COXFA4: variants seen among roughly 807,000 people sequenced by gnomAD.
The protein encoded by COXFA4 is cytochrome c oxidase subunit FA4.
chr7:10,932,885 A>G, the COXFA4 span: 1 of 151,696 alleles, frequency 6.6e-6, no homozygotes, highest in Non-Finnish European at 1.5e-5. Flanking sequence ...CAGGAGGATC[A>G]CTTAAGCCCG....
the COXFA4 span, chr7:10,939,741 C>CCGCT: frequency 2.0e-6 from 1 of 510,326 alleles, no homozygotes; most frequent in Non-Finnish European, 3.5e-6. Flanking sequence ...AGAGCGGCCA[C>CCGCT]CAGACTGTTC....
At chr7:10,933,721 T>C in the COXFA4 span, 1 of 1,529,420 alleles carries the variant, frequency 6.5e-7, no homozygotes, top group South Asian at 1.1e-5. Context: ...ATATTTTAAG[T>C]AATCTCAAAT....
chr7:10,939,805 C>T, the COXFA4 span: 13 of 672,574 alleles, frequency 1.9e-5, no homozygotes, highest in Non-Finnish European at 2.9e-5. Context: ...GTGTCCGTCT[C>T]CTTCCTCCTG....
the COXFA4 span, chr7:10,939,946 G>A: frequency 6.4e-7 from 1 of 1,556,374 alleles, no homozygotes; most frequent in Non-Finnish European, 8.9e-7. Flanking sequence ...CGTTCCCAGG[G>A]AACAGAAAGA....
chr7:10,939,054 A>C, the COXFA4 span: 2 of 599,528 alleles, frequency 3.3e-6, no homozygotes, highest in Admixed American at 2.8e-5. Flanking sequence ...CATTGAGGTA[A>C]GATTTCTTAT....
chr7:10,934,143 CA>C, the COXFA4 span, among the ~76,000 whole-genome samples: 1 of 151,958 alleles, frequency 6.6e-6, no homozygotes, highest in Non-Finnish European at 1.5e-5. Context: ...GATCCTGCAA[CA>C]AAAAGAGGCT....
the COXFA4 span, chr7:10,939,160 A>G: frequency 3.2e-5 from 12 of 375,302 alleles, no homozygotes; most frequent in South Asian, 3.1e-4. Flanking sequence ...AATTATAGGT[A>G]CATTTTTAAA....
chr7:10,939,139 A>C, the COXFA4 span: 1 of 406,498 alleles, frequency 2.5e-6, no homozygotes, highest in African/African-American at 2.0e-5. Context: ...CTTACTTTTT[A>C]ATGTGGAGCA....
chr7:10,938,772 C>A, the COXFA4 span: 1 of 1,518,552 alleles, frequency 6.6e-7, no homozygotes, highest in South Asian at 1.1e-5. Context: ...CTGCCTTGAT[C>A]AGCTATCAAA....
the COXFA4 span, chr7:10,939,954 A>G: frequency 6.3e-7 from 1 of 1,586,828 alleles, no homozygotes. Context: ...GGGAACAGAA[A>G]GAGGCGCACC....
the COXFA4 span, among the ~76,000 whole-genome samples, chr7:10,935,845 C>T: frequency 1.3e-5 from 2 of 151,328 alleles, no homozygotes; most frequent in Non-Finnish European, 2.9e-5. Flanking sequence ...CAAAAGTTCA[C>T]TTTTCACTCA....
chr7:10,933,702 G>C, the COXFA4 span: 1 of 1,597,280 alleles, frequency 6.3e-7, no homozygotes, highest in South Asian at 1.1e-5. Context: ...ACTTGGAACA[G>C]AAAAAAAGAT....
chr7:10,938,042 T>G, the COXFA4 span: 1 of 1,543,430 alleles, frequency 6.5e-7, no homozygotes, highest in Non-Finnish European at 9.0e-7. Flanking sequence ...ATGACAAAAC[T>G]TATTACAACA....
At chr7:10,938,014 T>G in the COXFA4 span, 1 of 1,259,844 alleles carries the variant, frequency 7.9e-7, no homozygotes, top group African/African-American at 1.5e-5. Flanking sequence ...TATATCCAGT[T>G]TCAAGAAAAC....
chr7:10,932,344 T>A, the COXFA4 span: 1 of 152,214 alleles, frequency 6.6e-6, no homozygotes, highest in South Asian at 2.1e-4. Flanking sequence ...GTCTGGTAAC[T>A]GAAAACACTC....
the COXFA4 span, among the ~76,000 whole-genome samples, chr7:10,934,747 CT>C: frequency 6.6e-6 from 1 of 152,004 alleles, no homozygotes; most frequent in African/African-American, 2.4e-5. Context: ...AAAAAAAATC[CT>C]CAGGTTGTAA....
chr7:10,938,111 C>T, the COXFA4 span: 4 of 1,613,282 alleles, frequency 2.5e-6, no homozygotes, highest in Admixed American at 1.7e-5. Context: ...CATTGGGACC[C>T]AGTTTGTTCC....
the COXFA4 span, chr7:10,939,930 T>C: frequency 1.4e-6 from 2 of 1,478,794 alleles, no homozygotes; most frequent in South Asian, 1.1e-5. Context: ...TGGCTGTAAA[T>C]GAGGACGTTC....
the COXFA4 span, chr7:10,939,642 T>C: frequency 2.1e-5 from 5 of 236,932 alleles, no homozygotes; most frequent in South Asian, 1.9e-4. Context: ...CCTCCAGAGA[T>C]GGTATAACAC....
Sources: gnomAD v4.1 joint callset for allele counts (sites outside exome capture counted in the v4.1 genomes callset) on GRCh38, gnomAD v4.1.1 for gene constraint, MANE v1.5 for transcripts, NCBI Gene and HGNC (gene_info 2026-07-23, HGNC 2026-07-21) for gene names.